The following CCDC138 variants were observed in gnomAD, a reference collection of about 807,000 sequenced individuals.
CCDC138 encodes coiled-coil domain containing 138.
In CCDC138, 66 loss-of-function variants were observed where a neutral mutation model predicts 82.3. That is an observed-to-expected ratio of 0.80 (90% CI 0.66 to 0.98). The LOEUF is 0.98. CCDC138 is among the 50% of genes least tolerant of loss of function. The pLI is 0.00. For missense variants in CCDC138, 816 were observed against 758.9 expected, an observed-to-expected ratio of 1.08 and a Z score of -0.88; for synonymous variants, 297 against 265.4, an observed-to-expected ratio of 1.12 and a Z score of -1.16.
At chr2:108,815,625 C>T (rs1443167921) in intron 9 of CCDC138, among the ~76,000 whole-genome samples, 1 of 151,644 alleles carries the variant, frequency 6.6e-6, no homozygotes, top group Admixed American at 6.6e-5. Flanking sequence ...ACCACCATGC[C>T]CAGCTAATTT....
In CCDC138 at chr2:108,875,905, G is replaced by A. The variant is rs981934929; in HGVS notation, c.1833-183G>A. On this transcript the variant is annotated intron_variant, in intron 14 of 14. Coordinates refer to ENST00000295124, the MANE Select transcript of CCDC138 (RefSeq NM_144978.3). ...TTTCCCCAGTGGTTTTCTGCTTCAG[G>A]TTTATCTCATAAAACCTATTTTGTT... 5 of 157,876 alleles carry A rather than the reference G, an allele frequency of 3.2e-5. No homozygotes were observed. In the Admixed American group the frequency reaches 3.3e-4, roughly 10 times the overall value. 9.8% of individuals were successfully genotyped at this position (157,876 alleles called of 1,614,324 possible).
At chr2:108,827,379 G>A (rs1416407545) in intron 10 of CCDC138, among the ~76,000 whole-genome samples, 1 of 152,092 alleles carries the variant, frequency 6.6e-6, no homozygotes, top group Non-Finnish European at 1.5e-5. Context: ...AAGAGAAAAT[G>A]TGCAAAACAA....
chr2:108,810,850 T>C (rs1019588233), intron 7 of CCDC138, among the ~76,000 whole-genome samples: 1 of 152,244 alleles, frequency 6.6e-6, no homozygotes, highest in African/African-American at 2.4e-5. Flanking sequence ...TTACTACAAT[T>C]CAATCTTGTT....
rs1427625181 is a variant in CCDC138 at position 108,786,780 on chromosome 2, A to T, written c.-43A>T. 3.9e-6 allele frequency: 6 copies of T among 1,531,316 alleles called. No individual in the cohort carries two copies. Among genetic ancestry groups the T allele is most frequent in the Non-Finnish European group, 5.3e-6 (6 of 1,125,064 alleles). The allele number at this position is 1,531,316 out of a possible 1,614,324, so 94.9% of individuals were successfully genotyped here. On this transcript the variant is annotated 5_prime_UTR_variant, in exon 1 of 15. It removes an upstream start codon present in the reference 5' UTR. Coordinates refer to ENST00000295124, the MANE Select transcript of CCDC138 (RefSeq NM_144978.3). ...GCGGCCGCGTAGCGCCGCGGGTTTG[A>T]TGAACGCGGTTCCCGGGGAGACTGG...
chr2:108,807,818 A>G (rs1037528792), intron 7 of CCDC138, among the ~76,000 whole-genome samples: 7 of 152,098 alleles, frequency 4.6e-5, no homozygotes, highest in African/African-American at 1.7e-4. Context: ...GGGTTTCACC[A>G]TGTTGGCCAG....
intron 12 of CCDC138, among the ~76,000 whole-genome samples, chr2:108,848,420 C>T (rs1045677735): frequency 2.0e-5 from 3 of 151,936 alleles, no homozygotes; most frequent in South Asian, 2.1e-4. Flanking sequence ...CTGTATTAAT[C>T]GAGGGCTTTC....
chr2:108,811,514 A>G (rs543874455), intron 7 of CCDC138, among the ~76,000 whole-genome samples: 2 of 151,912 alleles, frequency 1.3e-5, no homozygotes, highest in Non-Finnish European at 2.9e-5. Flanking sequence ...AAGTGCTGGG[A>G]TTACAGGTGT....
intron 13 of CCDC138, among the ~76,000 whole-genome samples, chr2:108,870,152 G>A (rs149446706): frequency 6.6e-6 from 1 of 152,208 alleles, no homozygotes; most frequent in African/African-American, 2.4e-5. Context: ...CAAAATTTCT[G>A]TCAACAAAGA....
chr2:108,851,875 A>G (rs558856977), intron 12 of CCDC138, among the ~76,000 whole-genome samples: 1 of 152,338 alleles, frequency 6.6e-6, no homozygotes, highest in East Asian at 1.9e-4. Flanking sequence ...TTTATACCTT[A>G]TCTCTGAATA....
intron 7 of CCDC138, among the ~76,000 whole-genome samples, chr2:108,809,899 G>A (rs992081656): frequency 1.3e-5 from 2 of 151,884 alleles, no homozygotes; most frequent in Admixed American, 6.6e-5. Flanking sequence ...TCCACCTCCT[G>A]GGTTCACACA....
chr2:108,828,295 G>A (rs1686985438), intron 10 of CCDC138, among the ~76,000 whole-genome samples: 3 of 152,116 alleles, frequency 2.0e-5, no homozygotes, highest in African/African-American at 7.2e-5. Context: ...ATAACAAAAT[G>A]AAGACTATAG....
intron 2 of CCDC138, 84 bp downstream of exon 2, chr2:108,788,173 C>T (rs947980584): frequency 2.2e-6 from 3 of 1,395,178 alleles, no homozygotes; most frequent in Non-Finnish European, 2.9e-6. Context: ...AATCCCAGCA[C>T]TTTGGGAGGC....
chr2:108,853,850 T>C (rs1350097080), intron 12 of CCDC138, among the ~76,000 whole-genome samples: 3 of 130,684 alleles, frequency 2.3e-5, no homozygotes, highest in South Asian at 2.2e-4. Context: ...AATATATATA[T>C]ACTATATATA....
At chr2:108,846,966 A>G in intron 12 of CCDC138, 36 bp downstream of exon 12, 1 of 1,155,526 alleles carries the variant, frequency 8.7e-7, no homozygotes, top group Admixed American at 2.1e-5. Context: ...TAATTTTGAG[A>G]AACAATAGAG....
rs373641044 is a variant in CCDC138, at chr2:108,873,463, C to G, written c.1706C>G (p.Pro569Arg). ...QMTVESKSLQ[P>R]FLEACSNSLF... ...ATTTGTTTTGCAGAATCCTTGCAGC[C>G]TTTCCTGGAAGCCTGTAGCAACTCT... The change falls in exon 14 of 15, where the codon CCT (proline) becomes CGT (arginine). Residue 569 changes from proline to arginine, a missense_variant. Coordinates refer to ENST00000295124, the MANE Select transcript of CCDC138 (RefSeq NM_144978.3). The G allele has an allele frequency of 3.6e-5, 57 of 1,597,556 alleles. No homozygotes were observed. The highest frequency in any genetic ancestry group is 4.3e-5 in the Non-Finnish European group (51 of 1,173,350).
At chr2:108,845,304 G>A (rs1443505903) in intron 11 of CCDC138, among the ~76,000 whole-genome samples, 2 of 151,944 alleles carry the variant, frequency 1.3e-5, no homozygotes, top group East Asian at 3.9e-4. Context: ...CAACCATTTG[G>A]CCTTTGTCAC....
intron 10 of CCDC138, among the ~76,000 whole-genome samples, chr2:108,821,955 T>TC (rs1490077017): frequency 6.6e-6 from 1 of 151,816 alleles, no homozygotes; most frequent in Non-Finnish European, 1.5e-5. Context: ...AGTATGTCCT[T>TC]CCTTTATCAG....
chr2:108,868,107 T>G (rs1288591725), intron 13 of CCDC138, among the ~76,000 whole-genome samples: 1 of 152,148 alleles, frequency 6.6e-6, no homozygotes, highest in Non-Finnish European at 1.5e-5. Flanking sequence ...GTTGACAGCA[T>G]GTACTTTTAA....
intron 10 of CCDC138, among the ~76,000 whole-genome samples, chr2:108,829,814 T>C (rs1440422098): frequency 6.6e-6 from 1 of 152,210 alleles, no homozygotes; most frequent in East Asian, 1.9e-4. Context: ...AGTGGAATCC[T>C]TGTTTACTGG....
Sources: gnomAD v4.1 joint callset for allele counts (sites outside exome capture counted in the v4.1 genomes callset) on GRCh38, gnomAD v4.1.1 for gene constraint, MANE v1.5 for transcripts, NCBI Gene and HGNC (gene_info 2026-07-23, HGNC 2026-07-21) for gene names.